SMC1B: variants seen among roughly 807,000 people sequenced by gnomAD.
SMC1B encodes the protein structural maintenance of chromosomes 1B.
SMC1B carries 60 observed loss-of-function variants against 157.9 expected under a neutral mutation model. The observed-to-expected ratio is 0.38, with a 90% CI of 0.31 to 0.47. SMC1B has a LOEUF of 0.47. SMC1B is among the 20% of genes least tolerant of loss of function. The probability of loss-of-function intolerance (pLI) is 0.99; values close to 1 mark genes in which losing one functional copy is unlikely to be tolerated. For synonymous variants in SMC1B, 445 were observed against 483.0 expected (o/e 0.92, Z 1.03); for missense variants, 1,165 against 1,426.2 (o/e 0.82, Z 2.95).
At chr22:45,388,785 G>C (rs1408572205) in intron 10 of SMC1B, among the ~76,000 whole-genome samples, 1 of 151,836 alleles carries the variant, frequency 6.6e-6, no homozygotes, top group Non-Finnish European at 1.5e-5. Context: ...AGACCAGCCT[G>C]ACCAATGTGG....
intron 2 of SMC1B, among the ~76,000 whole-genome samples, 194 bp downstream of exon 2, chr22:45,408,516 G>C (rs558227884): frequency 6.6e-6 from 1 of 152,158 alleles, no homozygotes; most frequent in Non-Finnish European, 1.5e-5. Flanking sequence ...AGGAAAAGCA[G>C]ACATAATTGG....
chr22:45,363,644 C>G (rs2086742984), intron 15 of SMC1B, among the ~76,000 whole-genome samples: 1 of 151,826 alleles, frequency 6.6e-6, no homozygotes, highest in Non-Finnish European at 1.5e-5. Context: ...CCACTGCACT[C>G]CAGCCTGGGT....
In SMC1B at chr22:45,378,647, T is replaced by C. The variant is rs1439529125; in HGVS notation, c.2058+4820A>G. Among the ~76,000 whole-genome samples the C allele has an allele frequency of 2.0e-5, 3 of 152,188 alleles. No individual in the cohort carries two copies. In the East Asian group the frequency reaches 5.8e-4, roughly 29 times the overall value. ...TAAGAAGTAGTTTCAAGCCTTCTTT[T>C]CCCTAATTCAACCAAACTAAACACT... On this transcript the variant is annotated intron_variant, in intron 12 of 24. Coordinates refer to ENST00000357450, the MANE Select transcript of SMC1B (RefSeq NM_148674.5).
At chr22:45,387,794 G>A (rs1190203787) in intron 10 of SMC1B, among the ~76,000 whole-genome samples, 1 of 152,160 alleles carries the variant, frequency 6.6e-6, no homozygotes, top group Admixed American at 6.5e-5. Flanking sequence ...CACTTTGGGA[G>A]GCTGAGGCAG....
intron 2 of SMC1B, among the ~76,000 whole-genome samples, chr22:45,407,554 C>T (rs781572953): frequency 6.6e-6 from 1 of 151,898 alleles, no homozygotes; most frequent in African/African-American, 2.4e-5. Context: ...CTAGACCTCC[C>T]GGACTCAAGT....
chr22:45,375,610 A>G (rs1270577462), intron 12 of SMC1B, among the ~76,000 whole-genome samples: 1 of 152,214 alleles, frequency 6.6e-6, no homozygotes. Flanking sequence ...TATTTATTTT[A>G]TTTAAATAAT....
chr22:45,374,831 T>C (rs1295899824), intron 12 of SMC1B, among the ~76,000 whole-genome samples: 2 of 152,190 alleles, frequency 1.3e-5, no homozygotes, highest in East Asian at 3.9e-4. Context: ...TCTTTTTTTG[T>C]TGTTCTTCCT....
At chr22:45,376,040 G>A (rs1009626840) in intron 12 of SMC1B, among the ~76,000 whole-genome samples, 7 of 152,026 alleles carry the variant, frequency 4.6e-5, no homozygotes, top group East Asian at 1.9e-4. Context: ...TAAAATATAC[G>A]TAACATAAAA....
rs555236924 is a variant in SMC1B, at chr22:45,408,922, A to G, written c.110-24T>C. ...TCCTGGGGAAGAAAAGAGATAAAAC[A>G]TTATTCATTCTTAATGATAAAAAGC... On this transcript the variant is annotated intron_variant, in intron 1 of 24. Transcript: ENST00000357450. 1.0e-4 allele frequency: 144 copies of G among 1,394,792 alleles called. 1 individual carries two copies. In the South Asian group the frequency reaches 1.9e-3, roughly 18 times the overall value. 86.4% of individuals were successfully genotyped at this position (1,394,792 alleles called of 1,614,324 possible).
intron 15 of SMC1B, 132 bp from the exon 16 acceptor site, chr22:45,363,158 A>G: frequency 1.6e-6 from 1 of 606,930 alleles, no homozygotes; most frequent in South Asian, 2.6e-5. Context: ...GCTGTCACCC[A>G]ACTTAATAAT....
Position 45,407,186 on chromosome 22 carries a change from T to C in SMC1B, c.299-321A>G, listed in dbSNP as rs573766067. On this transcript the variant is annotated intron_variant, in intron 2 of 24. Coordinates refer to ENST00000357450, the MANE Select transcript of SMC1B (RefSeq NM_148674.5). The stretch of plus-strand genomic sequence containing the variant: ...AAAAGTCAACCTGGGAACTAGGTCA[T>C]GCAAACTTGCCTCCTATTTTGTTAC... 2.0e-5 allele frequency among the ~76,000 whole-genome samples: 3 copies of C among 152,342 alleles called. No individual in the cohort carries two copies. In the South Asian group the frequency reaches 6.2e-4, roughly 32 times the overall value.
chr22:45,377,244 T>A (rs907645465), intron 12 of SMC1B, among the ~76,000 whole-genome samples: 2 of 152,242 alleles, frequency 1.3e-5, no homozygotes, highest in African/African-American at 4.8e-5. Context: ...TTTTCCTTCA[T>A]TAGGATTGCA....
chr22:45,389,936 T>C, intron 9 of SMC1B, 39 bp from the exon 10 acceptor site: 3 of 1,516,948 alleles, frequency 2.0e-6, no homozygotes, highest in Non-Finnish European at 2.7e-6. Context: ...AACAGATATA[T>C]TAGAGTGAAA....
chr22:45,391,903 C>T (rs920177461), intron 9 of SMC1B, among the ~76,000 whole-genome samples: 1 of 152,130 alleles, frequency 6.6e-6, no homozygotes, highest in Non-Finnish European at 1.5e-5. Context: ...GAACTTGGGT[C>T]TTCACTTCCA....
intron 12 of SMC1B, among the ~76,000 whole-genome samples, chr22:45,376,928 C>T (rs925415243): frequency 6.6e-6 from 1 of 152,196 alleles, no homozygotes; most frequent in African/African-American, 2.4e-5. Flanking sequence ...AAACTTGTCA[C>T]ATGGCCAGCC....
intron 12 of SMC1B, 24 bp downstream of exon 12, chr22:45,383,443 A>G (rs770459655): frequency 1.9e-6 from 3 of 1,559,440 alleles, no homozygotes. Flanking sequence ...TTAGTATATT[A>G]CAACTTTTAT....
Position 45,345,545 on chromosome 22 carries a change from T to C in SMC1B, c.3520A>G (p.Thr1174Ala). 6.2e-7 allele frequency: 1 copy of C among 1,613,060 alleles called. No individual in the cohort carries two copies. Among genetic ancestry groups the C allele is most frequent in the South Asian group, 1.1e-5 (1 of 91,054 alleles). Residue 1174 changes from threonine (T) to alanine (A), a missense_variant, in exon 24 of 25, where the codon ACT becomes GCT. By Grantham distance (58) the Thr-to-Ala change is moderately conservative. Coordinates refer to ENST00000357450, the MANE Select transcript of SMC1B (RefSeq NM_148674.5). The part of the protein sequence containing the change: ...GKVSSYIKEQ[T>A]QDQFQMIVIS... ...ACTATCATCTGAAACTGGTCTTGAGTTTGCTCTTTGATGTAACTTGACACC... is the reference window on the plus strand; with the variant it reads ...ACTATCATCTGAAACTGGTCTTGAGCTTGCTCTTTGATGTAACTTGACACC...
intron 15 of SMC1B, among the ~76,000 whole-genome samples, chr22:45,368,140 G>GT (rs558443966): frequency 2.9e-3 from 444 of 152,240 alleles, no homozygotes; most frequent in Non-Finnish European, 3.0e-3. Context: ...TTTCTGAGAT[G>GT]TATTTTTTCA....
chr22:45,359,712 A>G, intron 18 of SMC1B, 93 bp downstream of exon 18: 1 of 1,383,360 alleles, frequency 7.2e-7, no homozygotes, highest in South Asian at 1.4e-5. Context: ...CACCACCCCT[A>G]AAGGGGCTAC....
Sources: gnomAD v4.1 joint callset for allele counts (sites outside exome capture counted in the v4.1 genomes callset) on GRCh38, gnomAD v4.1.1 for gene constraint, MANE v1.5 for transcripts, NCBI Gene and HGNC (gene_info 2026-07-23, HGNC 2026-07-21) for gene names.